The following KAZN variants were observed in gnomAD, a reference collection of about 807,000 sequenced individuals.
KAZN encodes the protein kazrin.
KAZN carries 40 observed loss-of-function variants against 87.4 expected under a neutral mutation model. That is an observed-to-expected ratio of 0.46 (90% CI 0.36 to 0.60). The LOEUF is 0.60. Ranked by LOEUF, KAZN falls within the 20% of genes least tolerant of loss-of-function variation. The pLI is 0.00. For synonymous variants in KAZN, 466 were observed against 458.3 expected (o/e 1.02, Z -0.22); for missense variants, 898 against 1,073.9 (o/e 0.84, Z 2.29).
chr1:14,447,728 C>T (rs1453699304), intron 2 of KAZN, among the ~76,000 whole-genome samples: 5 of 151,344 alleles, frequency 3.3e-5, no homozygotes. Context: ...GGTTGGGGGT[C>T]TCTCATTCTG....
chr1:14,578,967 C>A (rs1675361105), intron 2 of KAZN, among the ~76,000 whole-genome samples: 2 of 152,088 alleles, frequency 1.3e-5, no homozygotes, highest in Admixed American at 1.3e-4. Context: ...TTGTCCTTTT[C>A]TTTTCCCTAT....
chr1:14,805,064 C>T (rs918337564), intron 1 of KAZN, among the ~76,000 whole-genome samples: 3 of 152,238 alleles, frequency 2.0e-5, no homozygotes, highest in Non-Finnish European at 1.5e-5. Flanking sequence ...GGGAGAAAAC[C>T]GTACCTGTTG....
chr1:14,326,879 C>T (rs992093347), intron 2 of KAZN, among the ~76,000 whole-genome samples: 4 of 152,140 alleles, frequency 2.6e-5, no homozygotes, highest in Admixed American at 2.6e-4. Flanking sequence ...TAGTAATCAC[C>T]TCTTCCCCCA....
At chr1:14,924,412 G>T (rs1658912826) in intron 1 of KAZN, 4 of 988,706 alleles carry the variant, frequency 4.0e-6, no homozygotes, top group Non-Finnish European at 4.8e-6. Flanking sequence ...GCCAGCTCGC[G>T]GCGCAGGGCG....
chr1:14,493,295 A>C (rs1669777531), intron 2 of KAZN, among the ~76,000 whole-genome samples: 1 of 152,224 alleles, frequency 6.6e-6, no homozygotes, highest in African/African-American at 2.4e-5. Flanking sequence ...TAGATACTCA[A>C]TGAGTATTTG....
chr1:14,020,974 T>C (rs144323093), intron 1 of KAZN, among the ~76,000 whole-genome samples: 1 of 152,260 alleles, frequency 6.6e-6, no homozygotes, highest in East Asian at 1.9e-4. Flanking sequence ...GCTGCATTTG[T>C]GAGGGAGGGA....
chr1:14,587,606 G>T (rs1675935858), intron 2 of KAZN, among the ~76,000 whole-genome samples: 1 of 151,882 alleles, frequency 6.6e-6, no homozygotes, highest in Non-Finnish European at 1.5e-5. Context: ...GAGAGTGGGG[G>T]GCGGGTGAGG....
rs1437378407 is a variant in KAZN at position 15,050,920 on chromosome 1, A to T, written c.727-5171A>T. 3.9e-5 allele frequency among the ~76,000 whole-genome samples: 6 copies of T among 152,206 alleles called. No homozygotes were observed. In the East Asian group the frequency reaches 1.2e-3, roughly 29 times the overall value. On this transcript the variant is annotated intron_variant, in intron 4 of 14. Transcript: ENST00000376030. ...GCTCACACCGGTGCCTCCCTGCTGG[A>T]CCTGCTCCCACCCGTACCCCTGAGA...
At chr1:14,253,075 T>C (rs1049457859) in intron 2 of KAZN, among the ~76,000 whole-genome samples, 9 of 150,998 alleles carry the variant, frequency 6.0e-5, no homozygotes, top group African/African-American at 2.2e-4. Context: ...ACACTTACTA[T>C]GTTACAAGTC....
chr1:14,976,681 G>T (rs543704111), intron 2 of KAZN, among the ~76,000 whole-genome samples: 4 of 152,334 alleles, frequency 2.6e-5, no homozygotes, highest in African/African-American at 9.6e-5. Context: ...AACCAGATGG[G>T]CATTGGCCGT....
intron 1 of KAZN, among the ~76,000 whole-genome samples, chr1:13,994,283 T>C (rs1046099275): frequency 5.9e-5 from 9 of 152,208 alleles, no homozygotes; most frequent in Admixed American, 6.5e-5. Context: ...CACAAAAGCA[T>C]ACCAACTGGC....
At chr1:14,508,707 C>G (rs1306750619) in intron 2 of KAZN, among the ~76,000 whole-genome samples, 1 of 152,178 alleles carries the variant, frequency 6.6e-6, no homozygotes, top group African/African-American at 2.4e-5. Context: ...ATGTAGAGCG[C>G]TTAAAGCCCA....
At chr1:14,209,615 G>C (rs1646812655) in intron 2 of KAZN, among the ~76,000 whole-genome samples, 1 of 151,874 alleles carries the variant, frequency 6.6e-6, no homozygotes, top group African/African-American at 2.4e-5. Flanking sequence ...TAGTGCAAAT[G>C]TGGCACTAAT....
At chr1:14,084,258 T>G (rs1643783030) in intron 1 of KAZN, among the ~76,000 whole-genome samples, 1 of 152,138 alleles carries the variant, frequency 6.6e-6, no homozygotes, top group African/African-American at 2.4e-5. Flanking sequence ...AGTGACCCCC[T>G]GGTTTCTGGA....
intron 2 of KAZN, among the ~76,000 whole-genome samples, chr1:14,211,829 T>C (rs1646859259): frequency 2.0e-5 from 3 of 152,168 alleles, no homozygotes; most frequent in Admixed American, 2.0e-4. Flanking sequence ...CAAGCTTTTT[T>C]TTTTTCCTTG....
At chr1:14,288,326 G>A (rs1226628692) in intron 2 of KAZN, among the ~76,000 whole-genome samples, 1 of 152,052 alleles carries the variant, frequency 6.6e-6, no homozygotes, top group Non-Finnish European at 1.5e-5. Context: ...TTTTTGGTTG[G>A]TAGGCTATTA....
intron 1 of KAZN, among the ~76,000 whole-genome samples, chr1:14,641,988 T>A (rs1680440132): frequency 6.6e-6 from 1 of 152,190 alleles, no homozygotes; most frequent in African/African-American, 2.4e-5. Context: ...ACAAGTCCAT[T>A]TTAAAAATTG....
intron 8 of KAZN, 40 bp downstream of exon 8, chr1:15,065,793 G>A: frequency 6.2e-7 from 1 of 1,606,920 alleles, no homozygotes; most frequent in Non-Finnish European, 8.5e-7. Flanking sequence ...GACGCGGACT[G>A]GTGATACGCG....
At chr1:14,740,099 A>G (rs6688245) in intron 1 of KAZN, among the ~76,000 whole-genome samples, 8,430 of 152,226 alleles carry the variant, frequency 0.055, 336 homozygotes, top group Non-Finnish European at 0.084. Flanking sequence ...TTTGTGGATC[A>G]GACCCAAGCC....
Sources: allele counts gnomAD v4.1 joint callset (sites outside exome capture counted in the v4.1 genomes callset), GRCh38; gene constraint gnomAD v4.1.1; transcripts MANE v1.5; gene names NCBI Gene and HGNC (gene_info 2026-07-23, HGNC 2026-07-21).